The following TDRD3 variants were observed in gnomAD, a reference collection of about 807,000 sequenced individuals.
The protein encoded by TDRD3 is tudor domain containing 3.
A neutral mutation model predicts 86.7 loss-of-function variants in TDRD3; 45 were observed. The ratio of observed to expected loss-of-function variants is 0.52; its 90% confidence interval spans 0.41 to 0.67. The LOEUF is 0.67. TDRD3 is among the 30% of genes least tolerant of loss of function. The probability of loss-of-function intolerance (pLI) is 0.00; values close to 1 mark genes in which losing one functional copy is unlikely to be tolerated. For synonymous variants in TDRD3, 298 were observed against 301.7 expected (o/e 0.99, Z 0.13); for missense variants, 814 against 889.0 (o/e 0.92, Z 1.07).
chr13:60,418,711 C>A (rs1025928218), intron 1 of TDRD3, among the ~76,000 whole-genome samples: 3 of 152,162 alleles, frequency 2.0e-5, no homozygotes, highest in Admixed American at 2.0e-4. Context: ...ATGTTTTCAT[C>A]ACCCAAGAAA....
At chr13:60,448,901 T>G (rs1327538846) in intron 3 of TDRD3, among the ~76,000 whole-genome samples, 3 of 152,224 alleles carry the variant, frequency 2.0e-5, no homozygotes, top group Admixed American at 6.5e-5. Flanking sequence ...TTCTTATCAA[T>G]TCAGCTACTC....
At chr13:60,449,050 T>C (rs1295167212) in intron 3 of TDRD3, among the ~76,000 whole-genome samples, 1 of 152,064 alleles carries the variant, frequency 6.6e-6, no homozygotes, top group Non-Finnish European at 1.5e-5. Context: ...TTTTCCCAAG[T>C]AGGAGTGACT....
intron 12 of TDRD3, among the ~76,000 whole-genome samples, chr13:60,546,816 C>T (rs1957950096): frequency 6.6e-6 from 1 of 152,058 alleles, no homozygotes; most frequent in Admixed American, 6.6e-5. Context: ...CTCTTTTATA[C>T]AAGAGTGTAT....
chr13:60,401,523 G>T (rs1377967535), intron 1 of TDRD3, among the ~76,000 whole-genome samples: 1 of 152,160 alleles, frequency 6.6e-6, no homozygotes, highest in African/African-American at 2.4e-5. Flanking sequence ...ACACTGTATT[G>T]TGTGTCTTTG....
At chr13:60,560,155 A>C (rs190417849) in intron 12 of TDRD3, among the ~76,000 whole-genome samples, 145 of 152,302 alleles carry the variant, frequency 9.5e-4, no homozygotes, top group African/African-American at 3.5e-3. Context: ...AAAGAACTTC[A>C]GGTGTACAGC....
At chr13:60,527,797 C>T (rs886930572) in intron 10 of TDRD3, among the ~76,000 whole-genome samples, 2 of 151,732 alleles carry the variant, frequency 1.3e-5, no homozygotes, top group African/African-American at 4.8e-5. Flanking sequence ...AGAAAATTAA[C>T]CCTTTTGTAT....
rs1432186829 is a variant in TDRD3, at chr13:60,421,069, A to T, written c.42-18619A>T. On this transcript the variant is annotated intron_variant, in intron 1 of 13. Transcript: ENST00000377881. The stretch of plus-strand genomic sequence containing the variant: ...AAGCTTTATGATAAGTACTGATAAC[A>T]ATTAGTGTGAGCCCTCATCTTTTCT... Among the ~76,000 whole-genome samples the T allele has an allele frequency of 4.6e-5, 7 of 152,208 alleles. No individual in the cohort carries two copies. The East Asian group carries it at 1.2e-3, about 25-fold the overall frequency.
chr13:60,436,160 C>T (rs1171774087), intron 1 of TDRD3, among the ~76,000 whole-genome samples: 1 of 144,624 alleles, frequency 6.9e-6, no homozygotes, highest in Non-Finnish European at 1.5e-5. Context: ...ATTCTGGATT[C>T]TAGTCCTTTT....
chr13:60,405,798 ATAACAT>A (rs980033890), intron 1 of TDRD3, among the ~76,000 whole-genome samples: 1 of 152,234 alleles, frequency 6.6e-6, no homozygotes, highest in African/African-American at 2.4e-5. Context: ...TATGGTGGGA[ATAACAT>A]CATGGTTTTG....
At chr13:60,411,862 A>C (rs1954377052) in intron 1 of TDRD3, among the ~76,000 whole-genome samples, 1 of 152,182 alleles carries the variant, frequency 6.6e-6, no homozygotes, top group Admixed American at 6.5e-5. Flanking sequence ...ATTCTTTTGC[A>C]CATTAAGGTT....
At chr13:60,512,009 G>T (rs1333031090) in intron 10 of TDRD3, among the ~76,000 whole-genome samples, 4 of 151,948 alleles carry the variant, frequency 2.6e-5, no homozygotes, top group Non-Finnish European at 5.9e-5. Flanking sequence ...CCTTACATTT[G>T]CTTTTGACTC....
chr13:60,491,390 A>T (rs940100797), intron 7 of TDRD3, among the ~76,000 whole-genome samples: 11 of 152,208 alleles, frequency 7.2e-5, no homozygotes, highest in African/African-American at 2.2e-4. Context: ...ATTGAAAATT[A>T]TGAGGCCAAA....
chr13:60,542,781 T>G (rs888379123), intron 12 of TDRD3, among the ~76,000 whole-genome samples: 3 of 152,230 alleles, frequency 2.0e-5, no homozygotes, highest in African/African-American at 4.8e-5. Flanking sequence ...TTCCATTGTT[T>G]CCTAAACATT....
chr13:60,516,871 T>C (rs1050480988), intron 10 of TDRD3, among the ~76,000 whole-genome samples: 1 of 152,192 alleles, frequency 6.6e-6, no homozygotes, highest in African/African-American at 2.4e-5. Context: ...ATTCTGCATA[T>C]TGTGGTCAGT....
chr13:60,397,363 C>T lies in TDRD3; in HGVS notation c.-2C>T, dbSNP rs1261876711. ...CCACCACCCCCGGCCTAAGCAGCTA[C>T]CATGGCCCAGGTGGCCGGCGCGGCG... On this transcript the variant is annotated 5_prime_UTR_variant, in exon 1 of 14. Transcript: ENST00000377881. 2.0e-6 allele frequency: 3 copies of T among 1,486,542 alleles called. No homozygotes were observed. The highest frequency in any genetic ancestry group is 2.1e-5 in the Admixed American group (1 of 47,662). The allele number at this position is 1,486,542 out of a possible 1,614,324, so 92.1% of individuals were successfully genotyped here. A position where few individuals can be genotyped will look rare whatever the true frequency, so the allele number is the denominator to read the frequency against.
At chr13:60,459,451 C>T (rs1055381017) in intron 3 of TDRD3, among the ~76,000 whole-genome samples, 1 of 152,108 alleles carries the variant, frequency 6.6e-6, no homozygotes, top group African/African-American at 2.4e-5. Flanking sequence ...ACATATAATA[C>T]AGCATTAGAT....
At chr13:60,502,310 G>A (rs927029631) in intron 8 of TDRD3, among the ~76,000 whole-genome samples, 1 of 152,016 alleles carries the variant, frequency 6.6e-6, no homozygotes, top group African/African-American at 2.4e-5. Flanking sequence ...GAATAAGCAG[G>A]GTTAGTCTAA....
intron 4 of TDRD3, among the ~76,000 whole-genome samples, chr13:60,462,200 A>G (rs1286748955): frequency 3.9e-5 from 6 of 152,102 alleles, no homozygotes; most frequent in African/African-American, 1.4e-4. Context: ...ATTCAGTCAC[A>G]CCCCTTGCAA....
intron 3 of TDRD3, among the ~76,000 whole-genome samples, chr13:60,452,673 G>T (rs1955577001): frequency 6.6e-6 from 1 of 151,914 alleles, no homozygotes; most frequent in South Asian, 2.1e-4. Flanking sequence ...CCATTGTATG[G>T]ATATCCCACA....
Sources: allele counts gnomAD v4.1 joint callset (sites outside exome capture counted in the v4.1 genomes callset), GRCh38; gene constraint gnomAD v4.1.1; transcripts MANE v1.5; gene names NCBI Gene and HGNC (gene_info 2026-07-23, HGNC 2026-07-21).